The following TSPEAR variants were observed in gnomAD, a reference collection of about 807,000 sequenced individuals.
TSPEAR encodes thrombospondin-type laminin G domain and EAR repeat-containing protein.
Under a neutral mutation model 71.6 loss-of-function variants are expected in TSPEAR, and 69 were observed. The observed-to-expected ratio is 0.96, with a 90% CI of 0.79 to 1.18. The LOEUF is 1.18. TSPEAR is among the 50% of genes most tolerant of loss of function. TSPEAR has a pLI of 0.00. For missense variants in TSPEAR, 971 were observed against 894.9 expected (o/e 1.09, Z -1.09); for synonymous variants, 402 against 387.2 (o/e 1.04, Z -0.45).
At position 44,526,760 on chromosome 21, in the gene TSPEAR, T is replaced by C. The variant is rs150233474; in HGVS notation, c.1149+532A>G. ...GAGCTGGGAAGAGGAAACCCCATCCTTCCCATTGGGATGTCAACCATCTCC... is the reference window on the plus strand; with the variant it reads ...GAGCTGGGAAGAGGAAACCCCATCCCTCCCATTGGGATGTCAACCATCTCC... On this transcript the variant is annotated intron_variant, in intron 7 of 11. Coordinates refer to ENST00000323084, the MANE Select transcript of TSPEAR (RefSeq NM_144991.3). Among the ~76,000 whole-genome samples the C allele has an allele frequency of 1.0e-3, 156 of 152,322 alleles. 1 individual carries two copies. The East Asian group carries it at 0.014, about 13-fold the overall frequency.
intron 9 of TSPEAR, among the ~76,000 whole-genome samples, chr21:44,511,316 C>T (rs190522840): frequency 2.2e-4 from 34 of 152,260 alleles, no homozygotes; most frequent in Non-Finnish European, 3.8e-4. Context: ...CACACATGCA[C>T]GCCTGCATGC....
At chr21:44,673,033 G>T (rs1986136495) in intron 1 of TSPEAR, among the ~76,000 whole-genome samples, 1 of 152,140 alleles carries the variant, frequency 6.6e-6, no homozygotes, top group Non-Finnish European at 1.5e-5. Context: ...TTATAGCAAT[G>T]CAAGAACGTA....
At chr21:44,551,441 C>T (rs374070304) in intron 2 of TSPEAR, 1 of 1,611,848 alleles carries the variant, frequency 6.2e-7, no homozygotes, top group Non-Finnish European at 8.5e-7. Context: ...AGCAGATGGA[C>T]ATGGTGGAGG....
intron 1 of TSPEAR, among the ~76,000 whole-genome samples, chr21:44,621,593 G>A (rs1259290985): frequency 1.3e-5 from 2 of 152,138 alleles, no homozygotes; most frequent in Non-Finnish European, 2.9e-5. Flanking sequence ...TCATTCCTCA[G>A]TTGCTCTCAC....
chr21:44,686,036 A>C (rs1323639805), intron 1 of TSPEAR, among the ~76,000 whole-genome samples: 29 of 152,174 alleles, frequency 1.9e-4, no homozygotes, highest in African/African-American at 6.8e-4. Flanking sequence ...GAAGACCCTG[A>C]TGATGACTGA....
At chr21:44,643,602 G>A (rs778144988) in intron 1 of TSPEAR, among the ~76,000 whole-genome samples, 1 of 152,142 alleles carries the variant, frequency 6.6e-6, no homozygotes, top group Admixed American at 6.5e-5. Context: ...ATCAAGTAAT[G>A]TATATCTTAG....
Position 44,533,864 on chromosome 21 carries a change from C to T in TSPEAR, c.363G>A (p.Leu121=). 6.2e-7 allele frequency: 1 copy of T among 1,612,384 alleles called. No homozygotes were observed. The highest frequency in any genetic ancestry group is 8.5e-7 in the Non-Finnish European group (1 of 1,179,894). The stretch of plus-strand genomic sequence containing the variant: ...AGTGCAGCTGGGCAGGTGACAACCG[C>T]AGGCCGAGCAGCAGCAGGTCGCTCT... ...AEESDLLLLG[L]RLSPAQLHFL... The change falls in exon 3 of 12, where the codon CTG becomes CTA. Residue 121 remains leucine (L), a synonymous_variant. Coordinates refer to ENST00000323084, the MANE Select transcript of TSPEAR (RefSeq NM_144991.3).
intron 10 of TSPEAR, chr21:44,508,367 G>T: frequency 1.8e-6 from 1 of 547,194 alleles, no homozygotes; most frequent in Non-Finnish European, 2.4e-6. Context: ...GGAGGGGCAG[G>T]TGAATTGTTA....
At chr21:44,599,591 C>T (rs145573875) in intron 1 of TSPEAR, among the ~76,000 whole-genome samples, 1 of 152,386 alleles carries the variant, frequency 6.6e-6, no homozygotes, top group African/African-American at 2.4e-5. Context: ...ACATTCTCAG[C>T]ACCTGGTGCA....
chr21:44,574,800 GC>G, intron 1 of TSPEAR: 1 of 1,614,144 alleles, frequency 6.2e-7, no homozygotes, highest in Non-Finnish European at 8.5e-7. Flanking sequence ...CTGCCAGCCA[GC>G]TTGCTGCACC....
intron 1 of TSPEAR, chr21:44,698,031 C>A: frequency 2.1e-6 from 3 of 1,458,956 alleles, no homozygotes; most frequent in African/African-American, 1.4e-5. Flanking sequence ...CCACTACTGG[C>A]CCCTCGGCTG....
At chr21:44,657,959 C>A in intron 1 of TSPEAR, 7 of 1,607,850 alleles carry the variant, frequency 4.4e-6, no homozygotes, top group Non-Finnish European at 6.0e-6. Flanking sequence ...CTCCCCAGTA[C>A]CAGCCCAGCC....
intron 1 of TSPEAR, among the ~76,000 whole-genome samples, chr21:44,660,000 A>T (rs189930784): frequency 2.6e-5 from 4 of 152,226 alleles, no homozygotes; most frequent in African/African-American, 9.6e-5. Context: ...GGCTTCCTTC[A>T]GTGGGTTCAT....
chr21:44,688,963 C>T (rs1295609993), intron 1 of TSPEAR, among the ~76,000 whole-genome samples: 1 of 152,126 alleles, frequency 6.6e-6, no homozygotes. Context: ...ATCGCTTTTA[C>T]TCCAAAGTGA....
chr21:44,522,597 C>T (rs766710500), intron 8 of TSPEAR, among the ~76,000 whole-genome samples: 57 of 152,220 alleles, frequency 3.7e-4, no homozygotes, highest in African/African-American at 1.2e-3. Flanking sequence ...GTCCTGCAGG[C>T]GGAGAGATGC....
chr21:44,544,839 G>T (rs942632199), intron 2 of TSPEAR, among the ~76,000 whole-genome samples: 1 of 152,114 alleles, frequency 6.6e-6, no homozygotes, highest in African/African-American at 2.4e-5. Context: ...CAGGGGCTGG[G>T]CCCACAGGAC....
chr21:44,598,518 T>C (rs1980521666), intron 1 of TSPEAR, among the ~76,000 whole-genome samples: 1 of 150,562 alleles, frequency 6.6e-6, no homozygotes, highest in Admixed American at 6.6e-5. Flanking sequence ...TTATTGATTA[T>C]ACATTGATTA....
intron 1 of TSPEAR, among the ~76,000 whole-genome samples, chr21:44,583,676 T>C (rs1270150324): frequency 6.6e-6 from 1 of 152,230 alleles, no homozygotes; most frequent in Non-Finnish European, 1.5e-5. Flanking sequence ...GTAACTTGAG[T>C]GATCTAAGAT....
At chr21:44,649,809 C>T (rs1323402539) in intron 1 of TSPEAR, among the ~76,000 whole-genome samples, 1 of 152,206 alleles carries the variant, frequency 6.6e-6, no homozygotes, top group Non-Finnish European at 1.5e-5. Flanking sequence ...TCTCAGTGGA[C>T]TCTTCCTTCC....
Sources: gnomAD v4.1 joint callset for allele counts (sites outside exome capture counted in the v4.1 genomes callset) on GRCh38, gnomAD v4.1.1 for gene constraint, MANE v1.5 for transcripts, NCBI Gene and HGNC (gene_info 2026-07-23, HGNC 2026-07-21) for gene names.